The following CERS6 variants were observed in gnomAD, a reference collection of about 807,000 sequenced individuals.
The protein encoded by CERS6 is LAG1 homolog, ceramide synthase 6.
Under a neutral mutation model 56.8 loss-of-function variants are expected in CERS6, and 26 were observed. That is an observed-to-expected ratio of 0.46 (90% CI 0.34 to 0.63). CERS6 has a LOEUF of 0.63. Among genes scored for constraint, CERS6 ranks in the 30% least tolerant of loss-of-function variants. The pLI, the probability that CERS6 is intolerant of heterozygous loss-of-function variation, is 0.01. For missense variants in CERS6, 415 were observed against 467.5 expected (o/e 0.89, Z 1.04); for synonymous variants, 164 against 173.3 (o/e 0.95, Z 0.42).
intron 8 of CERS6, among the ~76,000 whole-genome samples, chr2:168,726,015 C>T (rs900927618): frequency 5.3e-5 from 8 of 152,136 alleles, no homozygotes; most frequent in African/African-American, 1.4e-4. Flanking sequence ...AACAATTTCC[C>T]GTAAAAGCTG....
chr2:168,635,303 C>T (rs1684838068), intron 4 of CERS6, among the ~76,000 whole-genome samples: 1 of 152,164 alleles, frequency 6.6e-6, no homozygotes, highest in Admixed American at 6.5e-5. Context: ...AGGGGCTTGG[C>T]TCTGGGAATG....
At chr2:168,660,716 A>AT (rs753036329) in intron 4 of CERS6, among the ~76,000 whole-genome samples, 2 of 151,378 alleles carry the variant, frequency 1.3e-5, no homozygotes, top group African/African-American at 4.8e-5. Flanking sequence ...ATTTCACACG[A>AT]TTTTTTTGCT....
At chr2:168,499,353 G>A (rs909439967) in intron 1 of CERS6, among the ~76,000 whole-genome samples, 4 of 152,166 alleles carry the variant, frequency 2.6e-5, no homozygotes, top group African/African-American at 7.2e-5. Flanking sequence ...CTTGGTTTTA[G>A]GTACAGACTT....
intron 3 of CERS6, among the ~76,000 whole-genome samples, chr2:168,600,315 C>T (rs761277430): frequency 4.0e-5 from 6 of 151,854 alleles, no homozygotes; most frequent in African/African-American, 1.5e-4. Context: ...TGCCATTCTC[C>T]AGCCACAGCC....
At chr2:168,480,263 T>G (rs541210298) in intron 1 of CERS6, among the ~76,000 whole-genome samples, 19 of 152,330 alleles carry the variant, frequency 1.2e-4, no homozygotes, top group Admixed American at 3.3e-4. Context: ...CCCAATGTCT[T>G]TGCCTTAGCA....
intron 4 of CERS6, among the ~76,000 whole-genome samples, chr2:168,646,040 C>T (rs564606851): frequency 6.6e-6 from 1 of 152,266 alleles, no homozygotes; most frequent in South Asian, 2.1e-4. Context: ...ATTCATATTC[C>T]TCTGGGTATA....
chr2:168,626,445 C>T (rs1574109670), intron 3 of CERS6, among the ~76,000 whole-genome samples: 2 of 152,122 alleles, frequency 1.3e-5, no homozygotes, highest in East Asian at 1.9e-4. Flanking sequence ...GCTCTGATTT[C>T]CTGCTTCAAA....
At chr2:168,760,301 G>T (rs1475640420) in intron 8 of CERS6, among the ~76,000 whole-genome samples, 1 of 152,196 alleles carries the variant, frequency 6.6e-6, no homozygotes, top group African/African-American at 2.4e-5. Flanking sequence ...TCTGATGTTT[G>T]AGGACAAGAA....
intron 3 of CERS6, among the ~76,000 whole-genome samples, chr2:168,574,642 G>A (rs980238102): frequency 2.0e-5 from 3 of 152,028 alleles, no homozygotes; most frequent in Admixed American, 6.5e-5. Flanking sequence ...AAGCACCTAC[G>A]ATATTGCCAA....
chr2:168,714,485 C>T (rs1687178387), intron 6 of CERS6, among the ~76,000 whole-genome samples: 1 of 152,182 alleles, frequency 6.6e-6, no homozygotes, highest in South Asian at 2.1e-4. Context: ...AGAAGTGGTC[C>T]AGTTAAACCT....
chr2:168,743,389 C>A (rs550166824), intron 8 of CERS6, among the ~76,000 whole-genome samples: 1 of 152,226 alleles, frequency 6.6e-6, no homozygotes, highest in South Asian at 2.1e-4. Context: ...AATCCCACCA[C>A]TTTGGGAGGC....
At chr2:168,560,567 T>C (rs1408933967) in intron 2 of CERS6, among the ~76,000 whole-genome samples, 2 of 152,150 alleles carry the variant, frequency 1.3e-5, no homozygotes, top group African/African-American at 4.8e-5. Context: ...AAAGACTCGA[T>C]GTGGGATACA....
chr2:168,571,860 A>C lies in CERS6; in HGVS notation c.407+10538A>C, dbSNP rs545017283. On this transcript the variant is annotated intron_variant, in intron 3 of 9. Coordinates refer to ENST00000305747, the MANE Select transcript of CERS6 (RefSeq NM_203463.3). ...TTAATTATTTTTAAATTTACAATTC[A>C]GTTATTATTGACTGCAAGGTGAGCT... Among the ~76,000 whole-genome samples, 5 of 152,316 alleles carry C rather than the reference A, an allele frequency of 3.3e-5. No individual in the cohort carries two copies. The South Asian group carries it at 1.0e-3, about 32-fold the overall frequency.
At chr2:168,688,256 G>A (rs2105357934) in intron 4 of CERS6, among the ~76,000 whole-genome samples, 1 of 152,026 alleles carries the variant, frequency 6.6e-6, no homozygotes, top group South Asian at 2.1e-4. Flanking sequence ...CCTATAATTT[G>A]TGTGATAGAA....
At chr2:168,493,160 T>G (rs1316118673) in intron 1 of CERS6, among the ~76,000 whole-genome samples, 1 of 152,182 alleles carries the variant, frequency 6.6e-6, no homozygotes, top group African/African-American at 2.4e-5. Flanking sequence ...ACTGGATGTT[T>G]TGGTTGCATT....
intron 6 of CERS6, among the ~76,000 whole-genome samples, chr2:168,701,105 G>C (rs761515931): frequency 6.6e-6 from 1 of 152,120 alleles, no homozygotes; most frequent in African/African-American, 2.4e-5. Flanking sequence ...GGGCTGCTCC[G>C]TCAGCCTGGG....
intron 3 of CERS6, among the ~76,000 whole-genome samples, chr2:168,574,759 T>A (rs1398149070): frequency 6.6e-6 from 1 of 152,240 alleles, no homozygotes; most frequent in Non-Finnish European, 1.5e-5. Context: ...AATACCATTC[T>A]AAGCTTGCTT....
At chr2:168,721,347 A>G (rs1246910780) in intron 8 of CERS6, among the ~76,000 whole-genome samples, 3 of 152,082 alleles carry the variant, frequency 2.0e-5, no homozygotes, top group Non-Finnish European at 4.4e-5. Flanking sequence ...TTATTTATCC[A>G]TTCATGAGGT....
At chr2:168,532,656 C>G (rs1442899208) in intron 1 of CERS6, among the ~76,000 whole-genome samples, 1 of 152,074 alleles carries the variant, frequency 6.6e-6, no homozygotes. Context: ...TTGAGTCTTA[C>G]CTGGGATAGA....
Sources: gnomAD v4.1 joint callset for allele counts (sites outside exome capture counted in the v4.1 genomes callset) on GRCh38, gnomAD v4.1.1 for gene constraint, MANE v1.5 for transcripts, NCBI Gene and HGNC (gene_info 2026-07-23, HGNC 2026-07-21) for gene names.